The following INVS variants were observed in gnomAD, a reference collection of about 807,000 sequenced individuals.
INVS encodes inversin, also known as inversion of embryo turning homolog.
A neutral mutation model predicts 108.8 loss-of-function variants in INVS; 86 were observed. That is an observed-to-expected ratio of 0.79 (90% confidence interval 0.66 to 0.95). The LOEUF (loss-of-function observed/expected upper bound fraction) is 0.95, where lower values mean the gene tolerates loss of function less well. Among genes scored for constraint, INVS ranks in the 40% least tolerant of loss-of-function variants. INVS has a pLI of 0.00. For missense variants in INVS, 1,169 were observed against 1,297.4 expected, an observed-to-expected ratio of 0.90 and a Z score of 1.52; for synonymous variants, 455 against 473.5, an observed-to-expected ratio of 0.96 and a Z score of 0.51.
At chr9:100,222,444 C>T (rs1032634778) in intron 3 of INVS, among the ~76,000 whole-genome samples, 7 of 152,066 alleles carry the variant, frequency 4.6e-5, no homozygotes, top group East Asian at 1.9e-4. Flanking sequence ...CTTTGTAATA[C>T]GTAAAACAAA....
intron 10 of INVS, among the ~76,000 whole-genome samples, chr9:100,253,932 G>A (rs1832328011): frequency 6.6e-6 from 1 of 152,184 alleles, no homozygotes; most frequent in Non-Finnish European, 1.5e-5. Context: ...TATATGCCCA[G>A]TAATGGGATG....
rs548707381 is a variant in INVS at position 100,301,829 on chromosome 9, T to C, written c.*1155T>C. ...TTACTAATTATTACATTCATCGTTTTTGTGATCACAAAAACACAAAGAAGG... is the reference window on the plus strand; with the variant it reads ...TTACTAATTATTACATTCATCGTTTCTGTGATCACAAAAACACAAAGAAGG... On this transcript the variant is annotated 3_prime_UTR_variant, in exon 17 of 17. Transcript: ENST00000262457. Among the ~76,000 whole-genome samples the C allele has an allele frequency of 6.6e-6, 1 of 152,306 alleles. No individual in the cohort carries two copies. Among genetic ancestry groups the C allele is most frequent in the African/African-American group, 2.4e-5 (1 of 41,568 alleles).
intron 12 of INVS, among the ~76,000 whole-genome samples, chr9:100,277,007 GTT>G (rs1833134043): frequency 6.6e-6 from 1 of 152,164 alleles, no homozygotes; most frequent in South Asian, 2.1e-4. Flanking sequence ...GTTTCTAAGA[GTT>G]TCATCGTCAC....
rs542559486 is a variant in INVS at position 100,257,238 on chromosome 9, C to CT, written c.1464+4109dup. ...CAGAGACTAGGATTGCAACCCCTGCCTTTTTTTGTTTTCCATTTGCTTGGC... is the reference window on the plus strand; with the variant it reads ...CAGAGACTAGGATTGCAACCCCTGCCTTTTTTTTGTTTTCCATTTGCTTGGC... On this transcript the variant is annotated intron_variant, in intron 10 of 16. Transcript: ENST00000262457. Among the ~76,000 whole-genome samples, 1,072 of 152,112 alleles carry CT rather than the reference C, an allele frequency of 7.0e-3. 8 individuals carry two copies. The highest frequency in any genetic ancestry group is 0.014 in the Middle Eastern group (4 of 294).
At chr9:100,196,225 A>G (rs930312150) in intron 3 of INVS, among the ~76,000 whole-genome samples, 2 of 152,056 alleles carry the variant, frequency 1.3e-5, no homozygotes, top group Non-Finnish European at 2.9e-5. Context: ...CCATTTTAGT[A>G]TGCTGTCTTT....
At chr9:100,211,670 G>C (rs1012027555) in intron 3 of INVS, among the ~76,000 whole-genome samples, 1 of 152,138 alleles carries the variant, frequency 6.6e-6, no homozygotes, top group Non-Finnish European at 1.5e-5. Flanking sequence ...TTCAGCCTTA[G>C]AGCAACTAAA....
chr9:100,248,561 T>G lies in INVS; in HGVS notation c.1078+1774T>G, dbSNP rs548062185. On this transcript the variant is annotated intron_variant, in intron 8 of 16. Transcript: ENST00000262457. The stretch of plus-strand genomic sequence containing the variant: ...GATCCTGACTTAAATAAATAAACTA[T>G]AAAAAATGTTAAAGCCATCAGGAAA... Among the ~76,000 whole-genome samples the G allele has an allele frequency of 2.0e-5, 3 of 152,266 alleles. No individual in the cohort carries two copies. The South Asian group carries it at 6.2e-4, about 32-fold the overall frequency.
chr9:100,263,581 G>C (rs879470790), intron 10 of INVS, among the ~76,000 whole-genome samples: 1 of 152,062 alleles, frequency 6.6e-6, no homozygotes, highest in African/African-American at 2.4e-5. Context: ...ATTAGATCAG[G>C]CCTACCCAGA....
intron 6 of INVS, among the ~76,000 whole-genome samples, chr9:100,242,089 A>G (rs1464890106): frequency 6.6e-6 from 1 of 152,188 alleles, no homozygotes; most frequent in African/African-American, 2.4e-5. Flanking sequence ...AGGAGAATAT[A>G]GGGATGGGAA....
At chr9:100,159,759 T>C (rs1053945428) in intron 3 of INVS, among the ~76,000 whole-genome samples, 1 of 152,148 alleles carries the variant, frequency 6.6e-6, no homozygotes, top group African/African-American at 2.4e-5. Flanking sequence ...GCTTGAGTAG[T>C]TGGAATTAAT....
intron 2 of INVS, chr9:100,116,841 A>G (rs1827547273): frequency 7.8e-7 from 1 of 1,278,000 alleles, no homozygotes; most frequent in Non-Finnish European, 1.1e-6. Flanking sequence ...AATTCCTGAC[A>G]GGGAGACTTG....
At chr9:100,280,417 A>C (rs1833239451) in intron 12 of INVS, among the ~76,000 whole-genome samples, 1 of 152,156 alleles carries the variant, frequency 6.6e-6, no homozygotes, top group Non-Finnish European at 1.5e-5. Flanking sequence ...ATTGCTCTAA[A>C]AGAGACAGTA....
chr9:100,297,976 TG>T lies in INVS; in HGVS notation c.3058del (p.Val1020Ter). 6.2e-7 allele frequency: 1 copy of T among 1,614,210 alleles called. No individual in the cohort carries two copies. The highest frequency in any genetic ancestry group is 1.1e-5 in the South Asian group (1 of 91,086). ...EGKIHHPTRS[V>X]KASSVLRLNS... ...GGAAAATACATCATCCTACAAGATC[TG>T]TAAAAGCCTCTTCTGTGCTGCGTCT... On this transcript the variant is annotated frameshift_variant, in exon 16 of 17. Transcript: ENST00000262457. LOFTEE classifies it high-confidence loss of function.
chr9:100,262,240 A>G (rs1039605231), intron 10 of INVS, among the ~76,000 whole-genome samples: 2 of 36,008 alleles, frequency 5.6e-5, no homozygotes, highest in African/African-American at 1.3e-4. Flanking sequence ...AACCTTGTCA[A>G]AAAAAAAAAG....
intron 12 of INVS, among the ~76,000 whole-genome samples, chr9:100,279,256 G>A (rs574370200): frequency 7.9e-5 from 12 of 152,250 alleles, no homozygotes; most frequent in Admixed American, 7.2e-4. Flanking sequence ...GTGGAGATGG[G>A]CACACAAAGG....
rs780090630 is a variant in INVS at position 100,154,331 on chromosome 9, A to ATTTTTTTTTTTTTTTTTT, written c.273+27793_273+27810dup. ...AGGTGTGTGCCACCACAACCGACTA[A>ATTTTTTTTTTTTTTTTTT]TTTTTTTTTTTTTTTTTTTTTTTTT... is the stretch of plus-strand genomic sequence containing the variant. On this transcript the variant is annotated intron_variant, in intron 3 of 16. Coordinates refer to ENST00000262457, the MANE Select transcript of INVS (RefSeq NM_014425.5). Among the ~76,000 whole-genome samples the ATTTTTTTTTTTTTTTTTT allele has an allele frequency of 3.0e-3, 205 of 68,566 alleles. 16 individuals carry two copies. Among genetic ancestry groups the ATTTTTTTTTTTTTTTTTT allele is most frequent in the African/African-American group, 4.4e-3 (57 of 12,992 alleles). The allele number at this position is 68,566 out of a possible 152,430, so 45.0% of individuals were successfully genotyped here.
At chr9:100,231,022 T>G (rs916243362) in intron 5 of INVS, among the ~76,000 whole-genome samples, 3 of 152,226 alleles carry the variant, frequency 2.0e-5, no homozygotes, top group Non-Finnish European at 2.9e-5. Context: ...TTGTTATAGG[T>G]GTATAGGAAT....
intron 7 of INVS, among the ~76,000 whole-genome samples, chr9:100,244,675 C>T (rs971498777): frequency 6.6e-6 from 1 of 152,212 alleles, no homozygotes. Flanking sequence ...TTTCAAGTCC[C>T]TTGATCTCCT....
intron 16 of INVS, chr9:100,298,336 C>A (rs548851470): frequency 1.0e-6 from 1 of 984,842 alleles, no homozygotes; most frequent in East Asian, 1.1e-4. Context: ...ATCCTTGTTC[C>A]ATTTTGGTGT....
Sources: gnomAD v4.1 joint callset for allele counts (sites outside exome capture counted in the v4.1 genomes callset) on GRCh38, gnomAD v4.1.1 for gene constraint, MANE v1.5 for transcripts, NCBI Gene and HGNC (gene_info 2026-07-23, HGNC 2026-07-21) for gene names.